POLN: variants seen among roughly 807,000 people sequenced by gnomAD.
POLN encodes the protein DNA polymerase N.
POLN carries 108 observed loss-of-function variants against 113.5 expected under a neutral mutation model. The ratio of observed to expected loss-of-function variants is 0.95; its 90% confidence interval spans 0.81 to 1.12. POLN has a LOEUF of 1.12. Among genes scored for constraint, POLN ranks in the 50% most tolerant of loss-of-function variants. POLN has a pLI of 0.00. For synonymous variants in POLN, 386 were observed against 391.5 expected, an observed-to-expected ratio of 0.99 and a Z score of 0.17; for missense variants, 1,097 against 1,077.1, an observed-to-expected ratio of 1.02 and a Z score of -0.26.
chr4:2,174,336 A>G (rs972173905), intron 10 of POLN, among the ~76,000 whole-genome samples: 4 of 152,256 alleles, frequency 2.6e-5, no homozygotes, highest in African/African-American at 9.6e-5. Flanking sequence ...CAAAGGCAGA[A>G]GAGAGCCCTG....
At chr4:2,236,720 G>A (rs369151506) in intron 2 of POLN, among the ~76,000 whole-genome samples, 7 of 151,906 alleles carry the variant, frequency 4.6e-5, no homozygotes, top group African/African-American at 1.2e-4. Flanking sequence ...AAAGTTAGCC[G>A]GGCATGGCGG....
At position 2,193,224 on chromosome 4, in the gene POLN, T is replaced by C. The variant is rs1480194984; in HGVS notation, c.1001A>G (p.Asn334Ser). The part of the protein sequence containing the change: ...FVRIVLQFFG[N>S]DGSWKHVADF... ...CTTACCATGCTTCCAACTGCCATCA[T>C]TGCCAAAAAACTGCAGCACTATTCT... Residue 334 changes from asparagine to serine, a missense_variant, in exon 7 of 26, where the codon AAT becomes AGT. Transcript: ENST00000511885. The C allele has an allele frequency of 5.0e-6, 8 of 1,605,790 alleles. No individual in the cohort carries two copies. Among genetic ancestry groups the C allele is most frequent in the African/African-American group, 1.4e-5 (1 of 73,966 alleles).
At position 2,073,038 on chromosome 4, in the gene POLN, C is replaced by T. The variant is rs766409970; in HGVS notation, c.2456-9G>A. On this transcript the variant is annotated splice_polypyrimidine_tract_variant and intron_variant, in intron 24 of 25. Transcript: ENST00000511885. Reference sequence around the variant, plus strand: ...GGTCCTCCTGACGAGAGCTAGAGTGCGGAAGAGAGAGGAGGCCCTGCTGGT... The same window carrying T: ...GGTCCTCCTGACGAGAGCTAGAGTGTGGAAGAGAGAGGAGGCCCTGCTGGT... The T allele has an allele frequency of 7.4e-6, 12 of 1,612,692 alleles. No individual in the cohort carries two copies. The East Asian group carries it at 1.1e-4, about 15-fold the overall frequency.
intron 24 of POLN, among the ~76,000 whole-genome samples, chr4:2,074,321 C>T (rs189602819): frequency 1.6e-4 from 25 of 152,278 alleles, no homozygotes; most frequent in Non-Finnish European, 2.9e-4. Context: ...AGGCCCCGCC[C>T]GACCCCTGGT....
chr4:2,168,692 C>G (rs1456919758), intron 13 of POLN, among the ~76,000 whole-genome samples: 2 of 152,168 alleles, frequency 1.3e-5, no homozygotes, highest in Admixed American at 1.3e-4. Context: ...GCGGGATGCT[C>G]CCTGCTGGAG....
At position 2,240,809 on chromosome 4, in the gene POLN, A is replaced by C. The variant is rs762430176; in HGVS notation, c.-13+711T>G. ...CAGACAACACGTTCTGTTCATTCAC[A>C]TTCCCACAAAACCACTTCAGAAACG... On this transcript the variant is annotated intron_variant, in intron 2 of 25. Transcript: ENST00000511885. 47 of 1,613,822 alleles carry C rather than the reference A, an allele frequency of 2.9e-5. No homozygotes were observed. Among genetic ancestry groups the C allele is most frequent in the Non-Finnish European group, 3.9e-5 (46 of 1,180,000 alleles).
chr4:2,178,702 C>T (rs1347406165), intron 8 of POLN, among the ~76,000 whole-genome samples: 1 of 151,898 alleles, frequency 6.6e-6, no homozygotes, highest in Non-Finnish European at 1.5e-5. Context: ...ACCTCTGCCT[C>T]CCAGGTTCAA....
chr4:2,115,383 T>C (rs977788286), intron 19 of POLN, among the ~76,000 whole-genome samples: 1 of 152,042 alleles, frequency 6.6e-6, no homozygotes, highest in African/African-American at 2.4e-5. Flanking sequence ...TTTGATGTAG[T>C]ATTTTTCATC....
intron 16 of POLN, among the ~76,000 whole-genome samples, chr4:2,152,194 C>A (rs1296116476): frequency 6.6e-6 from 1 of 151,332 alleles, no homozygotes; most frequent in Non-Finnish European, 1.5e-5. Flanking sequence ...ACCATGCCCA[C>A]CTAATCTAAT....
chr4:2,155,903 C>T (rs933927156), intron 16 of POLN, among the ~76,000 whole-genome samples: 3 of 151,900 alleles, frequency 2.0e-5, no homozygotes, highest in Non-Finnish European at 2.9e-5. Context: ...GGCGTTATCT[C>T]GGCTCACTGC....
In POLN at chr4:2,207,989, G is replaced by T. The variant is rs1451775840; in HGVS notation, c.712C>A (p.Gln238Lys). Residue 238 changes from glutamine (Q) to lysine (K), a missense_variant and splice_region_variant, in exon 5 of 26, where the codon CAG (glutamine) becomes AAG (lysine). Transcript: ENST00000511885. The part of the protein sequence containing the change: ...TDGSTQLGAD[Q>K]TPVSSVRGIV... Reference sequence around the variant, plus strand: ...TAAAAACATCACTGTTTACTAACCTGGTCAGCTCCTAGCTGGGTGGAACCA... The same window carrying T: ...TAAAAACATCACTGTTTACTAACCTTGTCAGCTCCTAGCTGGGTGGAACCA... 36 of 1,597,256 alleles carry T rather than the reference G, an allele frequency of 2.3e-5. No individual in the cohort carries two copies. The Admixed American group carries it at 6.4e-4, about 29-fold the overall frequency.
intron 4 of POLN, among the ~76,000 whole-genome samples, chr4:2,210,168 C>CGA (rs1356101050): frequency 6.6e-6 from 1 of 151,554 alleles, no homozygotes; most frequent in Non-Finnish European, 1.5e-5. Context: ...AGTAGGCTTT[C>CGA]AAGCATAAAA....
At chr4:2,112,714 A>G (rs1731224827) in intron 19 of POLN, among the ~76,000 whole-genome samples, 1 of 152,184 alleles carries the variant, frequency 6.6e-6, no homozygotes, top group South Asian at 2.1e-4. Flanking sequence ...TAGAATGGCA[A>G]TCATTAAAAA....
chr4:2,092,977 C>T (rs1334677698), intron 20 of POLN, among the ~76,000 whole-genome samples: 5 of 152,166 alleles, frequency 3.3e-5, no homozygotes, highest in Non-Finnish European at 5.9e-5. Context: ...ACAGCAGAGC[C>T]GGAGGCTCAG....
Position 2,174,706 on chromosome 4 carries a change from T to A in POLN, c.1294A>T (p.Ile432Leu). 6.2e-7 allele frequency: 1 copy of A among 1,610,020 alleles called. No individual in the cohort carries two copies. Among genetic ancestry groups the A allele is most frequent in the Non-Finnish European group, 8.5e-7 (1 of 1,176,514 alleles). The stretch of plus-strand genomic sequence containing the variant: ...GGTAACTTACCTGCCAAAATTGGTA[T>A]CAGAGGAAGCTCCAAAGTACGAAAT... ...QLFRTLELPL[I>L]PILAVMESHA... Residue 432 changes from isoleucine (I) to leucine (L), a missense_variant, in exon 10 of 26, where the codon ATA (isoleucine) becomes TTA (leucine). Ile to Leu is a conservative substitution (Grantham distance 5). Coordinates refer to ENST00000511885, the MANE Select transcript of POLN (RefSeq NM_181808.4).
intron 3 of POLN, among the ~76,000 whole-genome samples, chr4:2,220,063 C>T (rs1734217893): frequency 6.6e-6 from 1 of 152,090 alleles, no homozygotes; most frequent in African/African-American, 2.4e-5. Flanking sequence ...CTCTTTCGTC[C>T]CTGTGCCAGT....
chr4:2,141,278 A>T (rs574669139), intron 16 of POLN, among the ~76,000 whole-genome samples: 1 of 152,208 alleles, frequency 6.6e-6, no homozygotes, highest in Non-Finnish European at 1.5e-5. Flanking sequence ...CAGTTTAGAC[A>T]TGTGGGGAAA....
At chr4:2,163,534 C>T (rs1344077210) in intron 13 of POLN, among the ~76,000 whole-genome samples, 1 of 152,258 alleles carries the variant, frequency 6.6e-6, no homozygotes, top group Non-Finnish European at 1.5e-5. Context: ...ACACCACATT[C>T]GTCTGACCTC....
intron 20 of POLN, 101 bp downstream of exon 20, chr4:2,095,750 A>T: frequency 9.7e-7 from 1 of 1,031,502 alleles, no homozygotes; most frequent in South Asian, 1.3e-5. Flanking sequence ...ACACCCAGGG[A>T]CTCACAGACG....
Sources: allele counts gnomAD v4.1 joint callset (sites outside exome capture counted in the v4.1 genomes callset), GRCh38; gene constraint gnomAD v4.1.1; transcripts MANE v1.5; gene names NCBI Gene and HGNC (gene_info 2026-07-23, HGNC 2026-07-21).